The following EYS variants were observed in gnomAD, a reference collection of about 807,000 sequenced individuals.
The protein encoded by EYS is EGF-like photoreceptor maintenance factor.
A neutral mutation model predicts 282.1 loss-of-function variants in EYS; 250 were observed. The ratio of observed to expected loss-of-function variants is 0.89; its 90% CI spans 0.80 to 0.98. EYS has a LOEUF of 0.98. Among genes scored for constraint, EYS ranks in the 50% least tolerant of loss-of-function variants. The pLI, the probability that EYS is intolerant of heterozygous loss-of-function variation, is 0.00. For synonymous variants in EYS, 1,355 were observed against 1,282.9 expected, an observed-to-expected ratio of 1.06 and a Z score of -1.20; for missense variants, 4,016 against 3,709.0, an observed-to-expected ratio of 1.08 and a Z score of -2.15.
At chr6:65,246,775 A>G (rs1030806481) in intron 12 of EYS, among the ~76,000 whole-genome samples, 12 of 152,234 alleles carry the variant, frequency 7.9e-5, no homozygotes, top group Middle Eastern at 3.4e-3. Context: ...AAAAACTTTT[A>G]AAACAACAAA....
chr6:65,053,743 G>A (rs1469325636), intron 13 of EYS, among the ~76,000 whole-genome samples: 1 of 151,846 alleles, frequency 6.6e-6, no homozygotes, highest in Non-Finnish European at 1.5e-5. Flanking sequence ...AAATGAATGA[G>A]TATAGTCGTG....
chr6:63,992,615 G>A (rs1015634648), intron 34 of EYS, among the ~76,000 whole-genome samples: 1 of 151,190 alleles, frequency 6.6e-6, no homozygotes, highest in African/African-American at 2.4e-5. Context: ...TAAGCTTCAT[G>A]GTAACCATAA....
intron 5 of EYS, among the ~76,000 whole-genome samples, chr6:65,466,642 T>G (rs1356048212): frequency 1.3e-5 from 2 of 150,866 alleles, no homozygotes; most frequent in Admixed American, 1.3e-4. Flanking sequence ...ATTTGGGGGT[T>G]GATCAAGGAA....
rs186007255 is a variant in EYS, at chr6:64,342,126, A to G, written c.6079-35044T>C. Among the ~76,000 whole-genome samples, 462 of 151,810 alleles carry G rather than the reference A, an allele frequency of 3.0e-3. 2 individuals are homozygous for G. The highest frequency in any genetic ancestry group is 5.4e-3 in the Non-Finnish European group (366 of 67,752). ...TATAGTATAATTATAGCATAGTTAT[A>G]GAATGAAATAAAATTTAAAATGTAA... On this transcript the variant is annotated intron_variant, in intron 29 of 42. Coordinates refer to ENST00000503581, the MANE Select transcript of EYS (RefSeq NM_001142800.2).
chr6:64,785,538 C>T (rs2149996664), intron 22 of EYS, among the ~76,000 whole-genome samples: 1 of 152,324 alleles, frequency 6.6e-6, no homozygotes, highest in South Asian at 2.1e-4. Context: ...TCATCTTAAA[C>T]ATATGCTTCC....
chr6:64,326,125 A>C (rs545125055), intron 29 of EYS, among the ~76,000 whole-genome samples: 7 of 151,200 alleles, frequency 4.6e-5, no homozygotes, highest in African/African-American at 1.7e-4. Context: ...GGAATTAATG[A>C]AATAAACTAT....
intron 34 of EYS, among the ~76,000 whole-genome samples, chr6:63,989,777 C>T (rs1767527321): frequency 6.6e-6 from 1 of 151,394 alleles, no homozygotes; most frequent in African/African-American, 2.4e-5. Flanking sequence ...CATGGGATGT[C>T]CTTACAAGAT....
intron 31 of EYS, among the ~76,000 whole-genome samples, chr6:64,145,708 G>A (rs190339606): frequency 1.2e-3 from 180 of 152,080 alleles, no homozygotes; most frequent in African/African-American, 4.2e-3. Context: ...ATAATTGAGC[G>A]AAAAAATAAA....
chr6:65,441,442 G>T (rs781294600), intron 5 of EYS, among the ~76,000 whole-genome samples: 3 of 151,950 alleles, frequency 2.0e-5, no homozygotes, highest in East Asian at 3.9e-4. Flanking sequence ...TGAAAGAATT[G>T]TATTTTAGAA....
At chr6:65,110,082 A>T (rs1387459890) in intron 12 of EYS, among the ~76,000 whole-genome samples, 1 of 152,164 alleles carries the variant, frequency 6.6e-6, no homozygotes, top group Non-Finnish European at 1.5e-5. Flanking sequence ...AATTCACAGC[A>T]TCTCTATTAC....
At chr6:65,684,793 A>G (rs1379866289) in intron 1 of EYS, among the ~76,000 whole-genome samples, 1 of 151,988 alleles carries the variant, frequency 6.6e-6, no homozygotes. Context: ...AGATTATTTC[A>G]TCACCCAAGT....
rs185591842 is a variant in EYS at position 65,492,906 on chromosome 6, C to T, written c.748+1757G>A. Among the ~76,000 whole-genome samples, 18 of 152,110 alleles carry T rather than the reference C, an allele frequency of 1.2e-4. No individual in the cohort carries two copies. The East Asian group carries it at 3.5e-3, about 29-fold the overall frequency. On this transcript the variant is annotated intron_variant, in intron 4 of 42. Coordinates refer to ENST00000503581, the MANE Select transcript of EYS (RefSeq NM_001142800.2). ...AATGGCTTATTGAGGTCTTCTATTA[C>T]ATCTTTTTATTTTATCTTATTTTAT... is the stretch of plus-strand genomic sequence containing the variant.
At chr6:63,914,231 T>G (rs1461106178) in intron 35 of EYS, among the ~76,000 whole-genome samples, 1 of 151,922 alleles carries the variant, frequency 6.6e-6, no homozygotes, top group Non-Finnish European at 1.5e-5. Flanking sequence ...AAAGAAAGAG[T>G]CTCACTTAAA....
chr6:64,950,796 TAC>T (rs200103368), intron 14 of EYS, among the ~76,000 whole-genome samples: 6,608 of 77,844 alleles, frequency 0.085, 514 homozygotes, highest in African/African-American at 0.19. Context: ...CATATACATA[TAC>T]ATATATATAT....
intron 13 of EYS, among the ~76,000 whole-genome samples, chr6:65,027,676 T>C (rs1446180185): frequency 6.6e-6 from 1 of 152,198 alleles, no homozygotes; most frequent in Non-Finnish European, 1.5e-5. Context: ...CTTTTGTGTA[T>C]GGCTTCTTTC....
intron 2 of EYS, among the ~76,000 whole-genome samples, chr6:65,595,371 T>G (rs192852724): frequency 1.3e-5 from 2 of 151,872 alleles, no homozygotes; most frequent in African/African-American, 2.4e-5. Flanking sequence ...CTAATGTAAA[T>G]GACAAGTTAA....
chr6:65,613,519 C>A lies in EYS; in HGVS notation c.-333+26259G>T, dbSNP rs940035742. On this transcript the variant is annotated intron_variant, in intron 2 of 42. Transcript: ENST00000503581. ...AGTGGAAAAGAAAGAAAGAAATGGACCCTGAAATATTCTGTGTGTGAGCAT... is the reference window on the plus strand; with the variant it reads ...AGTGGAAAAGAAAGAAAGAAATGGAACCTGAAATATTCTGTGTGTGAGCAT... Among the ~76,000 whole-genome samples, 13 of 151,760 alleles carry A rather than the reference C, an allele frequency of 8.6e-5. No homozygotes were observed. The South Asian group carries it at 2.5e-3, about 29-fold the overall frequency.
chr6:64,564,467 G>A (rs6913968), intron 26 of EYS, among the ~76,000 whole-genome samples: 4,572 of 151,444 alleles, frequency 0.03, 154 homozygotes, highest in East Asian at 0.11. Context: ...ATTTTTAATA[G>A]AGAAGGGGTT....
chr6:64,245,997 C>T (rs13209579), intron 30 of EYS, among the ~76,000 whole-genome samples: 33,437 of 113,762 alleles, frequency 0.29, 4,649 homozygotes, highest in Middle Eastern at 0.49. Context: ...CCAGCCTGGG[C>T]GACAGAGCGA....
Sources: gnomAD v4.1 joint callset for allele counts (sites outside exome capture counted in the v4.1 genomes callset) on GRCh38, gnomAD v4.1.1 for gene constraint, MANE v1.5 for transcripts, NCBI Gene and HGNC (gene_info 2026-07-23, HGNC 2026-07-21) for gene names.